Variants in IL1RAPL1 observed in about 807,000 individuals in gnomAD.
IL1RAPL1 encodes the protein interleukin-1 receptor accessory protein-like 1.
In IL1RAPL1, 3 loss-of-function variants were observed where a neutral mutation model predicts 48.4. The observed-to-expected ratio is 0.06, with a 90% confidence interval of 0.03 to 0.16. The LOEUF (loss-of-function observed/expected upper bound fraction) is 0.16, where lower values mean the gene tolerates loss of function less well. Among genes scored for constraint, IL1RAPL1 ranks in the 10% least tolerant of loss-of-function variants. IL1RAPL1 has a pLI of 1.00. For missense variants in IL1RAPL1, 349 were observed against 530.6 expected (o/e 0.66, Z 3.36); for synonymous variants, 185 against 187.7 (o/e 0.99, Z 0.12).
intron 3 of IL1RAPL1, among the ~76,000 whole-genome samples, chrX:29,395,037 G>C (rs747447355): frequency 1.8e-5 from 2 of 111,927 alleles, no homozygotes; most frequent in Non-Finnish European, 3.8e-5. Flanking sequence ...TAAGGAGGAG[G>C]ACTTAAGAGA....
intron 2 of IL1RAPL1, among the ~76,000 whole-genome samples, chrX:29,016,859 A>T (rs1386983958): frequency 9.0e-6 from 1 of 111,716 alleles, no homozygotes; most frequent in African/African-American, 3.2e-5. Flanking sequence ...AGAGTAAAAC[A>T]TATATACACA....
At chrX:29,903,552 G>T (rs1012362320) in intron 6 of IL1RAPL1, among the ~76,000 whole-genome samples, 2 of 111,203 alleles carry the variant, frequency 1.8e-5, no homozygotes, top group Admixed American at 1.9e-4. Flanking sequence ...TTATTTTTCA[G>T]TAAGTTAGAG....
At chrX:28,997,786 C>A (rs1436264436) in intron 2 of IL1RAPL1, among the ~76,000 whole-genome samples, 4 of 110,933 alleles carry the variant, frequency 3.6e-5, no homozygotes, top group Non-Finnish European at 5.7e-5. Context: ...ATGTTCCCCC[C>A]ACCCCCACAA....
intron 2 of IL1RAPL1, among the ~76,000 whole-genome samples, chrX:28,805,749 A>G (rs1475769601): frequency 1.8e-5 from 2 of 111,090 alleles, no homozygotes; most frequent in Non-Finnish European, 3.8e-5. Flanking sequence ...AAACAATAAG[A>G]ATATATGATC....
Position 29,520,362 on chromosome X carries a change from T to C in IL1RAPL1, c.703+121054T>C, listed in dbSNP as rs188300410. On this transcript the variant is annotated intron_variant, in intron 5 of 10. Coordinates refer to ENST00000378993, the MANE Select transcript of IL1RAPL1 (RefSeq NM_014271.4). Reference sequence around the variant, plus strand: ...CATGTGATTATGTAATTTGCTTTTTTCACTCAAATTTATGATTTTGAGTTC... The same window carrying C: ...CATGTGATTATGTAATTTGCTTTTTCCACTCAAATTTATGATTTTGAGTTC... Among the ~76,000 whole-genome samples the C allele has an allele frequency of 1.1e-3, 123 of 112,134 alleles. 1 individual carries two copies. In the East Asian group the frequency reaches 0.032, roughly 29 times the overall value.
intron 1 of IL1RAPL1, among the ~76,000 whole-genome samples, chrX:28,733,080 AT>A (rs1360243534): frequency 9.2e-6 from 1 of 108,828 alleles, no homozygotes; most frequent in Admixed American, 9.9e-5. Context: ...GGTTGTAACA[AT>A]TTATTATACA....
At chrX:29,592,965 C>G (rs142638528) in intron 5 of IL1RAPL1, among the ~76,000 whole-genome samples, 1 of 112,405 alleles carries the variant, frequency 8.9e-6, no homozygotes, top group East Asian at 2.8e-4. Flanking sequence ...CACCTTCTAT[C>G]CCTCTTTCAA....
chrX:29,477,490 G>A (rs1934991005), intron 5 of IL1RAPL1, among the ~76,000 whole-genome samples: 1 of 111,866 alleles, frequency 8.9e-6, no homozygotes, highest in Non-Finnish European at 1.9e-5. Context: ...CATCTTCCAA[G>A]TATTCCTAGG....
intron 1 of IL1RAPL1, among the ~76,000 whole-genome samples, chrX:28,717,503 G>T (rs902570746): frequency 9.0e-6 from 1 of 111,518 alleles, no homozygotes; most frequent in Non-Finnish European, 1.9e-5. Context: ...CCAGAGGGTA[G>T]AGGGTGGGAG....
intron 1 of IL1RAPL1, among the ~76,000 whole-genome samples, chrX:28,699,522 G>T (rs1031908646): frequency 3.6e-5 from 4 of 112,425 alleles, no homozygotes; most frequent in African/African-American, 1.3e-4. Flanking sequence ...TAGCTGGATT[G>T]ACTCAGGCAG....
chrX:29,591,251 G>A (rs1923361094), intron 5 of IL1RAPL1, among the ~76,000 whole-genome samples: 1 of 112,247 alleles, frequency 8.9e-6, no homozygotes, highest in Non-Finnish European at 1.9e-5. Context: ...AATGCTTCAT[G>A]GCTCTCTATA....
chrX:28,871,959 ATCTCTATTTACC>A (rs1478634355), intron 2 of IL1RAPL1, among the ~76,000 whole-genome samples: 1 of 112,025 alleles, frequency 8.9e-6, no homozygotes, highest in Non-Finnish European at 1.9e-5. Context: ...GGTGATTATA[ATCTCTATTTACC>A]TAAAGAATAA....
chrX:29,703,665 T>G (rs759668749), intron 6 of IL1RAPL1, among the ~76,000 whole-genome samples: 3 of 112,036 alleles, frequency 2.7e-5, no homozygotes, highest in Admixed American at 1.9e-4. Context: ...TACTAAGTTT[T>G]GATTTATTTT....
intron 1 of IL1RAPL1, among the ~76,000 whole-genome samples, chrX:28,771,064 T>A (rs747230414): frequency 9.0e-6 from 1 of 111,531 alleles, no homozygotes; most frequent in South Asian, 3.8e-4. Context: ...GTGAAGAAAA[T>A]CAGTTGCAGG....
chrX:29,434,779 A>G (rs1330615270), intron 5 of IL1RAPL1, among the ~76,000 whole-genome samples: 1 of 111,132 alleles, frequency 9.0e-6, no homozygotes, highest in Non-Finnish European at 1.9e-5. Context: ...TTTAATTTAT[A>G]GTTTAGGTTC....
intron 2 of IL1RAPL1, among the ~76,000 whole-genome samples, chrX:29,257,528 C>A (rs763280478): frequency 8.9e-6 from 1 of 111,788 alleles, no homozygotes; most frequent in African/African-American, 3.2e-5. Flanking sequence ...ATTACCATGA[C>A]AAACTGAAAG....
chrX:28,990,739 A>G (rs1925584057), intron 2 of IL1RAPL1, among the ~76,000 whole-genome samples: 1 of 111,864 alleles, frequency 8.9e-6, no homozygotes, highest in Non-Finnish European at 1.9e-5. Flanking sequence ...TATAGAATCA[A>G]AATGCCAGAT....
intron 5 of IL1RAPL1, among the ~76,000 whole-genome samples, chrX:29,567,379 A>C (rs1455713965): frequency 8.9e-6 from 1 of 112,101 alleles, no homozygotes; most frequent in Non-Finnish European, 1.9e-5. Context: ...ACTAACTAAG[A>C]CAACTTCTGT....
chrX:29,832,801 T>C (rs138301460), intron 6 of IL1RAPL1, among the ~76,000 whole-genome samples: 4 of 108,071 alleles, frequency 3.7e-5, no homozygotes, highest in African/African-American at 1.3e-4. Context: ...GATCTATTCA[T>C]GGTTTAAAGC....
Sources: allele counts gnomAD v4.1 joint callset (sites outside exome capture counted in the v4.1 genomes callset), GRCh38; gene constraint gnomAD v4.1.1; transcripts MANE v1.5; gene names NCBI Gene and HGNC (gene_info 2026-07-23, HGNC 2026-07-21).